SPATA6: variants seen among roughly 807,000 people sequenced by gnomAD.
SPATA6 encodes spermatogenesis associated 6.
Under a neutral mutation model 65.3 loss-of-function variants are expected in SPATA6, and 56 were observed. The observed-to-expected ratio is 0.86, with a 90% CI of 0.69 to 1.07. SPATA6 has a LOEUF of 1.07. Ranked by LOEUF, SPATA6 falls within the 50% of genes least tolerant of loss-of-function variation. The probability of loss-of-function intolerance (pLI) is 0.00; values close to 1 mark genes in which losing one functional copy is unlikely to be tolerated. For missense variants in SPATA6, 590 were observed against 594.8 expected, an observed-to-expected ratio of 0.99 and a Z score of 0.08; for synonymous variants, 199 against 213.2, an observed-to-expected ratio of 0.93 and a Z score of 0.58.
chr1:48,309,436 C>T (rs955871723), intron 11 of SPATA6, among the ~76,000 whole-genome samples: 2 of 152,068 alleles, frequency 1.3e-5, no homozygotes, highest in African/African-American at 4.8e-5. Context: ...AAAAAATTTT[C>T]ATTTCTGAAT....
At chr1:48,304,400 A>G (rs573861041) in intron 12 of SPATA6, among the ~76,000 whole-genome samples, 23 of 152,234 alleles carry the variant, frequency 1.5e-4, no homozygotes, top group Non-Finnish European at 2.9e-4. Context: ...AGCTGAAAAA[A>G]GAACCAATAT....
chr1:48,385,890 C>T (rs1429191014), intron 8 of SPATA6, among the ~76,000 whole-genome samples: 1 of 152,080 alleles, frequency 6.6e-6, no homozygotes, highest in Non-Finnish European at 1.5e-5. Flanking sequence ...GTCTCAGATT[C>T]CTAATATGTC....
chr1:48,409,334 G>A (rs1046451851), intron 5 of SPATA6, among the ~76,000 whole-genome samples: 19 of 152,238 alleles, frequency 1.2e-4, no homozygotes, highest in Admixed American at 6.5e-5. Context: ...CAAGAGGTAC[G>A]TTCCCATGGT....
intron 3 of SPATA6, chr1:48,436,141 G>A (rs12143485): frequency 0.018 from 28,284 of 1,609,992 alleles, 304 homozygotes; most frequent in Non-Finnish European, 0.021. Flanking sequence ...TTCTCACTAC[G>A]AGCTCCAAGT....
chr1:48,438,592 C>G (rs1300167111), intron 3 of SPATA6, among the ~76,000 whole-genome samples: 1 of 152,146 alleles, frequency 6.6e-6, no homozygotes, highest in Non-Finnish European at 1.5e-5. Flanking sequence ...TTGGTTGGCC[C>G]TGTAGCCATG....
At chr1:48,441,715 C>A (rs1382952712) in intron 3 of SPATA6, among the ~76,000 whole-genome samples, 1 of 152,136 alleles carries the variant, frequency 6.6e-6, no homozygotes, top group Non-Finnish European at 1.5e-5. Flanking sequence ...CAACCAGTGG[C>A]ATACCTAAGT....
intron 5 of SPATA6, among the ~76,000 whole-genome samples, chr1:48,411,247 G>T (rs957363588): frequency 3.9e-5 from 6 of 152,060 alleles, no homozygotes; most frequent in African/African-American, 1.4e-4. Context: ...CCAATTTACT[G>T]TATTAGTCTG....
the SPATA6 span, among the ~76,000 whole-genome samples, chr1:48,289,694 T>C: frequency 1.3e-5 from 2 of 152,172 alleles, no homozygotes; most frequent in African/African-American, 4.8e-5. Context: ...CAAGAACTAC[T>C]TGATGCATGC....
intron 11 of SPATA6, among the ~76,000 whole-genome samples, chr1:48,323,240 T>C (rs1029203934): frequency 1.1e-4 from 16 of 152,122 alleles, no homozygotes; most frequent in African/African-American, 3.6e-4. Context: ...TATGCAGCCA[T>C]AAAAATGATG....
chr1:48,378,778 A>G (rs781269436), intron 9 of SPATA6, among the ~76,000 whole-genome samples: 2 of 152,240 alleles, frequency 1.3e-5, no homozygotes, highest in Non-Finnish European at 2.9e-5. Context: ...GGCTGGGGAC[A>G]CAGCCAAACC....
downstream of SPATA6, among the ~76,000 whole-genome samples, chr1:48,293,093 C>T (rs1427753961): frequency 6.6e-6 from 1 of 152,210 alleles, no homozygotes; most frequent in Non-Finnish European, 1.5e-5. Flanking sequence ...TCCCCTGCCA[C>T]GTGGCTGACA....
intron 1 of SPATA6, among the ~76,000 whole-genome samples, chr1:48,469,472 T>A (rs1417589397): frequency 1.4e-5 from 2 of 144,446 alleles, no homozygotes; most frequent in African/African-American, 5.1e-5. Flanking sequence ...AAATATCTAT[T>A]TATATATATA....
the SPATA6 span, among the ~76,000 whole-genome samples, chr1:48,280,672 A>G: frequency 0.025 from 3,736 of 152,228 alleles, 95 homozygotes; most frequent in African/African-American, 0.067. Flanking sequence ...AACAGACTCC[A>G]AAATTGTGGC....
chr1:48,289,547 T>C, the SPATA6 span, among the ~76,000 whole-genome samples: 1 of 151,824 alleles, frequency 6.6e-6, no homozygotes, highest in Non-Finnish European at 1.5e-5. Flanking sequence ...ATAACAAACT[T>C]CTCCAAGCTA....
At chr1:48,308,126 T>A (rs772461689) in intron 11 of SPATA6, among the ~76,000 whole-genome samples, 3 of 152,012 alleles carry the variant, frequency 2.0e-5, no homozygotes, top group Non-Finnish European at 4.4e-5. Context: ...TGATTTACAT[T>A]TGCCATTTTG....
At chr1:48,318,110 A>G (rs1027338616) in intron 11 of SPATA6, among the ~76,000 whole-genome samples, 2 of 152,216 alleles carry the variant, frequency 1.3e-5, no homozygotes, top group Admixed American at 6.5e-5. Flanking sequence ...AACATTCAAC[A>G]AACTAGGAGT....
chr1:48,416,904 CT>C, intron 3 of SPATA6, among the ~76,000 whole-genome samples: 1 of 152,254 alleles, frequency 6.6e-6, no homozygotes, highest in Non-Finnish European at 1.5e-5. Flanking sequence ...ACTATTTATG[CT>C]TTTAAAAAAT....
At chr1:48,419,684 T>G (rs1022678711) in intron 3 of SPATA6, among the ~76,000 whole-genome samples, 5 of 152,176 alleles carry the variant, frequency 3.3e-5, no homozygotes, top group African/African-American at 1.2e-4. Flanking sequence ...ACAATAAACT[T>G]AGGCACATCA....
intron 11 of SPATA6, among the ~76,000 whole-genome samples, chr1:48,341,784 T>A (rs1243298657): frequency 4.6e-5 from 7 of 152,164 alleles, no homozygotes; most frequent in Admixed American, 4.6e-4. Context: ...AGTTATGGCA[T>A]GGTGCATGGT....
Sources: allele counts gnomAD v4.1 joint callset (sites outside exome capture counted in the v4.1 genomes callset), GRCh38; gene constraint gnomAD v4.1.1; transcripts MANE v1.5; gene names NCBI Gene and HGNC (gene_info 2026-07-23, HGNC 2026-07-21).